Variants in STK3 observed in about 807,000 individuals in gnomAD.
The protein encoded by STK3 is serine/threonine-protein kinase 3.
STK3 carries 41 observed loss-of-function variants against 58.0 expected under a neutral mutation model. The observed-to-expected ratio is 0.71, with a 90% CI of 0.55 to 0.92. The LOEUF (loss-of-function observed/expected upper bound fraction) is 0.92, where lower values mean the gene tolerates loss of function less well. STK3 is among the 40% of genes least tolerant of loss of function. The pLI is 0.00. For missense variants in STK3, 479 were observed against 602.7 expected, an observed-to-expected ratio of 0.79 and a Z score of 2.15; for synonymous variants, 170 against 191.0, an observed-to-expected ratio of 0.89 and a Z score of 0.91.
chr8:98,650,258 A>C (rs1480643631), intron 6 of STK3, among the ~76,000 whole-genome samples: 3 of 152,126 alleles, frequency 2.0e-5, no homozygotes, highest in Non-Finnish European at 4.4e-5. Context: ...CTAAATAACG[A>C]TAATGATAAT....
intron 6 of STK3, among the ~76,000 whole-genome samples, chr8:98,664,793 G>A (rs1404349784): frequency 1.3e-5 from 2 of 152,028 alleles, no homozygotes; most frequent in African/African-American, 4.8e-5. Flanking sequence ...CCAGCTACTT[G>A]GGAGGCTGAG....
chr8:98,438,917 G>A (rs1818593966), intron 1 of STK3: 1 of 152,360 alleles, frequency 6.6e-6, no homozygotes, highest in Non-Finnish European at 1.5e-5. Flanking sequence ...TGAACATGGG[G>A]GTGGAATGGA....
chr8:98,546,392 T>C (rs529565173), intron 9 of STK3, among the ~76,000 whole-genome samples: 7 of 152,266 alleles, frequency 4.6e-5, no homozygotes, highest in Non-Finnish European at 1.0e-4. Flanking sequence ...TTAACTATTA[T>C]ATATATGCTG....
At chr8:98,629,255 T>C (rs1216833752) in intron 6 of STK3, among the ~76,000 whole-genome samples, 1 of 152,156 alleles carries the variant, frequency 6.6e-6, no homozygotes, top group Non-Finnish European at 1.5e-5. Context: ...ATAAGGAAGC[T>C]TGACAGTCAT....
At chr8:98,708,855 C>T (rs1826166491) in intron 4 of STK3, among the ~76,000 whole-genome samples, 1 of 151,446 alleles carries the variant, frequency 6.6e-6, no homozygotes, top group Non-Finnish European at 1.5e-5. Flanking sequence ...TGTCTTTTGT[C>T]ATTCATAATA....
At chr8:98,352,460 C>G in the STK3 span, among the ~76,000 whole-genome samples, 1 of 152,174 alleles carries the variant, frequency 6.6e-6, no homozygotes, top group African/African-American at 2.4e-5. Context: ...CCAAAGCTTT[C>G]TGAGCTCCAA....
downstream of STK3, chr8:98,879,934 C>CT (rs1198115720): frequency 6.6e-6 from 1 of 152,110 alleles, no homozygotes; most frequent in Non-Finnish European, 1.5e-5. Context: ...CTTGAATTTG[C>CT]TTTTTGTCTA....
At chr8:98,696,750 T>A (rs1255883941) in intron 6 of STK3, among the ~76,000 whole-genome samples, 25 of 152,170 alleles carry the variant, frequency 1.6e-4, no homozygotes, top group Admixed American at 2.0e-4. Context: ...GCTGCTGGAT[T>A]CGTTTTGCCA....
At chr8:98,583,713 T>C (rs1467147369) in intron 7 of STK3, among the ~76,000 whole-genome samples, 1 of 152,222 alleles carries the variant, frequency 6.6e-6, no homozygotes, top group Non-Finnish European at 1.5e-5. Context: ...CTGATATTAT[T>C]ATTAATCTTT....
intron 4 of STK3, 122 bp downstream of exon 4, chr8:98,749,154 A>G (rs1247383129): frequency 6.1e-6 from 4 of 653,284 alleles, no homozygotes; most frequent in Non-Finnish European, 1.0e-5. Context: ...ATATCTTTAC[A>G]CCACTTAAAA....
intron 1 of STK3, among the ~76,000 whole-genome samples, chr8:98,788,295 G>C (rs374266508): frequency 6.6e-6 from 1 of 151,712 alleles, no homozygotes; most frequent in Non-Finnish European, 1.5e-5. Flanking sequence ...AAAATTAGCC[G>C]GGCGTGGTGG....
intron 6 of STK3, among the ~76,000 whole-genome samples, chr8:98,608,129 A>G (rs1419486745): frequency 6.6e-6 from 1 of 152,210 alleles, no homozygotes; most frequent in African/African-American, 2.4e-5. Context: ...CATAATTACC[A>G]GAAAACAAAT....
At chr8:98,408,182 G>C (rs1181161647) in intron 3 of STK3, among the ~76,000 whole-genome samples, 4 of 152,192 alleles carry the variant, frequency 2.6e-5, no homozygotes, top group Non-Finnish European at 5.9e-5. Flanking sequence ...GAAAAAGGGG[G>C]TAGTTTGGAG....
rs754151563 is a variant in STK3, at chr8:98,571,594, A to G, written c.948+8070T>C. Among the ~76,000 whole-genome samples the G allele has an allele frequency of 9.8e-5, 15 of 152,316 alleles. 1 individual carries two copies. The Middle Eastern group carries it at 0.014, about 138-fold the overall frequency. ...ACCTGAACAGCTCTGAGTTCAGACCATAAGAGGTCACCAGAAAGTCCTCAT... is the reference window on the plus strand; with the variant it reads ...ACCTGAACAGCTCTGAGTTCAGACCGTAAGAGGTCACCAGAAAGTCCTCAT... On this transcript the variant is annotated intron_variant, in intron 8 of 10. Coordinates refer to ENST00000419617, the MANE Select transcript of STK3 (RefSeq NM_006281.4).
At chr8:98,656,840 A>C (rs1230743408) in intron 6 of STK3, among the ~76,000 whole-genome samples, 1 of 152,120 alleles carries the variant, frequency 6.6e-6, no homozygotes, top group Non-Finnish European at 1.5e-5. Flanking sequence ...TAGTTAGTTC[A>C]AGTATTTTCC....
At chr8:98,907,921 G>A (rs189335844) in intron 1 of STK3, among the ~76,000 whole-genome samples, 9 of 152,038 alleles carry the variant, frequency 5.9e-5, no homozygotes, top group East Asian at 3.9e-4. Flanking sequence ...TTGTTGATCC[G>A]CCCTTTAGAG....
chr8:98,447,000 TACC>T (rs1411863119), intron 1 of STK3, among the ~76,000 whole-genome samples: 1 of 151,992 alleles, frequency 6.6e-6, no homozygotes, highest in Non-Finnish European at 1.5e-5. Flanking sequence ...GAAAACCAAA[TACC>T]ACATGTTCTT....
intron 3 of STK3, chr8:98,429,280 A>G: frequency 6.2e-7 from 1 of 1,614,084 alleles, no homozygotes; most frequent in Non-Finnish European, 8.5e-7. Context: ...GACTTTGGAG[A>G]TGGAATGAAG....
At chr8:98,617,995 G>A (rs1308830035) in intron 6 of STK3, among the ~76,000 whole-genome samples, 3 of 152,040 alleles carry the variant, frequency 2.0e-5, no homozygotes, top group Non-Finnish European at 2.9e-5. Context: ...CCAAAGCCGG[G>A]CAGAGACACA....
Sources: allele counts gnomAD v4.1 joint callset (sites outside exome capture counted in the v4.1 genomes callset), GRCh38; gene constraint gnomAD v4.1.1; transcripts MANE v1.5; gene names NCBI Gene and HGNC (gene_info 2026-07-23, HGNC 2026-07-21).